The following SULF1 variants were observed in gnomAD, a reference collection of about 807,000 sequenced individuals.
SULF1 encodes the protein extracellular sulfatase Sulf-1.
Under a neutral mutation model 110.5 loss-of-function variants are expected in SULF1, and 46 were observed. The ratio of observed to expected loss-of-function variants is 0.42; its 90% CI spans 0.33 to 0.53. The LOEUF (loss-of-function observed/expected upper bound fraction) is 0.53, where lower values mean the gene tolerates loss of function less well. SULF1 is among the 20% of genes least tolerant of loss of function. The pLI, the probability that SULF1 is intolerant of heterozygous loss-of-function variation, is 0.12. For synonymous variants in SULF1, 371 were observed against 387.1 expected, an observed-to-expected ratio of 0.96 and a Z score of 0.49; for missense variants, 941 against 1,094.2, an observed-to-expected ratio of 0.86 and a Z score of 1.98.
At chr8:69,507,666 A>G (rs1811289719) in intron 3 of SULF1, among the ~76,000 whole-genome samples, 1 of 152,228 alleles carries the variant, frequency 6.6e-6, no homozygotes. Flanking sequence ...AGGAATATTT[A>G]TAATAGGAGA....
intron 6 of SULF1, 75 bp from the exon 7 acceptor site, chr8:69,586,282 A>T: frequency 7.0e-7 from 1 of 1,429,652 alleles, no homozygotes; most frequent in Middle Eastern, 1.9e-4. Flanking sequence ...TTTTCAAGTC[A>T]TAATTTTATA....
At position 69,628,779 on chromosome 8, in the gene SULF1, T is replaced by C. The variant is rs80086468; in HGVS notation, c.2108+543T>C. Among the ~76,000 whole-genome samples, 400 of 152,258 alleles carry C rather than the reference T, an allele frequency of 2.6e-3. 1 individual carries two copies. Among genetic ancestry groups the C allele is most frequent in the East Asian group, 8.9e-3 (46 of 5,190 alleles). On this transcript the variant is annotated intron_variant, in intron 18 of 22. Transcript: ENST00000402687. ...GCTATCTAAACTTGTTTAGTAGAAT[T>C]TGTCAAAGAATTTTTTAAACTTTTT...
intron 8 of SULF1, chr8:69,592,899 C>G (rs1807016186): frequency 1.0e-6 from 1 of 987,048 alleles, no homozygotes; most frequent in Non-Finnish European, 1.2e-6. Context: ...ATGAGCCTCT[C>G]ACACCTGGCC....
chr8:69,504,487 G>A (rs1028902096), intron 3 of SULF1, among the ~76,000 whole-genome samples: 3 of 152,092 alleles, frequency 2.0e-5, no homozygotes, highest in African/African-American at 7.2e-5. Flanking sequence ...CCTGGGAGGC[G>A]GAGGTTGCAG....
In SULF1 at chr8:69,589,414, A is replaced by T. The variant is rs1005916010; in HGVS notation, c.734+273A>T. 6.6e-5 allele frequency among the ~76,000 whole-genome samples: 10 copies of T among 152,226 alleles called. 1 individual carries two copies. Among genetic ancestry groups the T allele is most frequent in the Non-Finnish European group, 1.5e-4 (10 of 68,040 alleles). On this transcript the variant is annotated intron_variant, in intron 8 of 22. Coordinates refer to ENST00000402687, the MANE Select transcript of SULF1 (RefSeq NM_001128205.2). Reference sequence around the variant, plus strand: ...GATGCACATAGAGTGAATGGGGGCAAGTTTTACAAGAGTTTCCTTTCGTTG... The same window carrying T: ...GATGCACATAGAGTGAATGGGGGCATGTTTTACAAGAGTTTCCTTTCGTTG...
intron 3 of SULF1, among the ~76,000 whole-genome samples, chr8:69,507,542 T>C (rs2150582633): frequency 6.6e-6 from 1 of 152,344 alleles, no homozygotes; most frequent in Non-Finnish European, 1.5e-5. Context: ...ATTCCTGGAA[T>C]AATTAGGTGG....
intron 5 of SULF1, 58 bp downstream of exon 5, chr8:69,564,205 T>C (rs1815706016): frequency 6.3e-7 from 1 of 1,583,014 alleles, no homozygotes; most frequent in African/African-American, 1.3e-5. Flanking sequence ...TTCTCGAGTC[T>C]CAGGATTATC....
At chr8:69,577,137 T>C (rs916400714) in intron 6 of SULF1, among the ~76,000 whole-genome samples, 1 of 152,222 alleles carries the variant, frequency 6.6e-6, no homozygotes, top group Non-Finnish European at 1.5e-5. Context: ...CAGCTCAAAG[T>C]CTCGACTCGA....
At chr8:69,620,454 A>G (rs947397864) in intron 13 of SULF1, among the ~76,000 whole-genome samples, 4 of 152,202 alleles carry the variant, frequency 2.6e-5, no homozygotes, top group Admixed American at 6.5e-5. Context: ...TCTTCTGTCC[A>G]TATCACAATG....
intron 3 of SULF1, among the ~76,000 whole-genome samples, chr8:69,536,545 T>C (rs758671149): frequency 1.8e-4 from 27 of 152,168 alleles, no homozygotes; most frequent in African/African-American, 6.5e-4. Context: ...TGCTTCTAGG[T>C]ACATTTGGTT....
upstream of SULF1, among the ~76,000 whole-genome samples, chr8:69,490,102 CT>C (rs59483735): frequency 0.35 from 40,804 of 116,780 alleles, 4,828 homozygotes; most frequent in East Asian, 0.58. Context: ...CCATACTTTT[CT>C]TTTTTTTTTT....
intron 19 of SULF1, among the ~76,000 whole-genome samples, chr8:69,635,196 A>T (rs1280077744): frequency 2.0e-5 from 3 of 152,242 alleles, no homozygotes; most frequent in African/African-American, 7.2e-5. Context: ...GAGCAGTGAA[A>T]CTACTCTATG....
At position 69,629,156 on chromosome 8, in the gene SULF1, C is replaced by G. The variant is rs145698808; in HGVS notation, c.2109-348C>G. On this transcript the variant is annotated intron_variant, in intron 18 of 22. Transcript: ENST00000402687. ...TCAAGAGATTCTTGTGCCTCATCCT[C>G]CCTAGTAGCTGGGACTACAGGTGTG... Among the ~76,000 whole-genome samples the G allele has an allele frequency of 2.6e-3, 397 of 152,222 alleles. 1 individual carries two copies. The highest frequency in any genetic ancestry group is 8.7e-3 in the East Asian group (45 of 5,178).
intron 3 of SULF1, among the ~76,000 whole-genome samples, chr8:69,536,369 A>G (rs1040565411): frequency 1.3e-5 from 2 of 152,186 alleles, no homozygotes; most frequent in East Asian, 1.9e-4. Context: ...CACAGAAATT[A>G]ATTTTGTTTA....
chr8:69,640,917 T>C (rs1667138223), intron 22 of SULF1, 76 bp downstream of exon 22: 1 of 1,454,668 alleles, frequency 6.9e-7, no homozygotes, highest in Non-Finnish European at 9.5e-7. Flanking sequence ...AACTAATTTC[T>C]GTTTCTTACC....
chr8:69,625,275 G>C (rs926797047), intron 15 of SULF1, among the ~76,000 whole-genome samples: 1 of 152,198 alleles, frequency 6.6e-6, no homozygotes, highest in Non-Finnish European at 1.5e-5. Flanking sequence ...GTTCATGAGG[G>C]TGTGAGCATT....
At chr8:69,632,910 C>T (rs1288037949) in intron 19 of SULF1, among the ~76,000 whole-genome samples, 3 of 151,536 alleles carry the variant, frequency 2.0e-5, no homozygotes, top group African/African-American at 7.3e-5. Context: ...CCTGTAGTCC[C>T]AGCTACTCGG....
At chr8:69,647,240 G>C (rs1191128183) in intron 22 of SULF1, among the ~76,000 whole-genome samples, 4 of 150,964 alleles carry the variant, frequency 2.6e-5, no homozygotes, top group African/African-American at 9.7e-5. Context: ...ACTGCGCCTG[G>C]CTGAGCCCTG....
chr8:69,542,503 G>A (rs1586352222), intron 3 of SULF1, among the ~76,000 whole-genome samples: 1 of 151,972 alleles, frequency 6.6e-6, no homozygotes, highest in Non-Finnish European at 1.5e-5. Flanking sequence ...TTTGGGCTTA[G>A]CCATTTCACC....
Sources: allele counts gnomAD v4.1 joint callset (sites outside exome capture counted in the v4.1 genomes callset), GRCh38; gene constraint gnomAD v4.1.1; transcripts MANE v1.5; gene names NCBI Gene and HGNC (gene_info 2026-07-23, HGNC 2026-07-21).